Variants in INPP4A observed in about 807,000 individuals in gnomAD.
INPP4A encodes the protein inositol polyphosphate-4-phosphatase type I A.
A neutral mutation model predicts 119.8 loss-of-function variants in INPP4A; 33 were observed. That is an observed-to-expected ratio of 0.28 (90% CI 0.21 to 0.37). The LOEUF (loss-of-function observed/expected upper bound fraction) is 0.37. INPP4A is among the 10% of genes least tolerant of loss of function. The pLI is 1.00. For synonymous variants in INPP4A, 496 were observed against 500.7 expected (o/e 0.99, Z 0.12); for missense variants, 956 against 1,289.9 (o/e 0.74, Z 3.97).
In INPP4A at chr2:98,570,073, G is replaced by A. The variant is rs1355749428; in HGVS notation, c.2518+1405G>A. The stretch of plus-strand genomic sequence containing the variant: ...GCTGTGTCTGCTGGGAGAGCTGACA[G>A]ACCTGGCTCTGGGCAAGGACGCTGG... On this transcript the variant is annotated intron_variant, in intron 22 of 24. Transcript: ENST00000409851. The surrounding 1 kb of genome is among the most constrained non-coding windows in gnomAD (Gnocchi z 4.3). Among the ~76,000 whole-genome samples, 1 of 152,172 alleles carries A rather than the reference G, an allele frequency of 6.6e-6. No homozygotes were observed. The highest frequency in any genetic ancestry group is 2.4e-5 in the African/African-American group (1 of 41,446).
In INPP4A at chr2:98,546,756, T is replaced by A; in HGVS notation, c.1163+62T>A. ...CTTTCTGATGCTTCTTTTCTCAGTT[T>A]AAAATAAAATCAAAATATGACCGCA... On this transcript the variant is annotated intron_variant, in intron 13 of 24. Transcript: ENST00000409851. The surrounding 1 kb of genome is among the most constrained non-coding windows in gnomAD (Gnocchi z 4.2). The A allele has an allele frequency of 1.9e-6, 2 of 1,068,348 alleles. No homozygotes were observed. Among genetic ancestry groups the A allele is most frequent in the Admixed American group, 2.0e-5 (1 of 51,170 alleles). The allele number at this position is 1,068,348 out of a possible 1,614,324, so 66.2% of individuals were successfully genotyped here.
chr2:98,492,569 CA>C (rs1408175666), intron 1 of INPP4A, among the ~76,000 whole-genome samples: 1 of 152,148 alleles, frequency 6.6e-6, no homozygotes, highest in Non-Finnish European at 1.5e-5. Context: ...GAGGAGATCT[CA>C]AAGGGGTGAG....
At chr2:98,516,317 A>G (rs1686117576) in intron 1 of INPP4A, among the ~76,000 whole-genome samples, 1 of 152,180 alleles carries the variant, frequency 6.6e-6, no homozygotes, top group African/African-American at 2.4e-5. Flanking sequence ...TTGACCTAAA[A>G]GTTTCCGTGA....
At chr2:98,538,124 A>G (rs1369008227) in intron 8 of INPP4A, 150 bp downstream of exon 8, 2 of 591,756 alleles carry the variant, frequency 3.4e-6, no homozygotes, top group Admixed American at 6.0e-5. Context: ...GGTCCTCCTT[A>G]GGCACACCTT....
chr2:98,477,605 C>T (rs1026498735), intron 1 of INPP4A, among the ~76,000 whole-genome samples: 1 of 152,224 alleles, frequency 6.6e-6, no homozygotes, highest in African/African-American at 2.4e-5. Context: ...GAACTGTCAA[C>T]GTTGGTCTTG....
intron 17 of INPP4A, 29 bp from the exon 18 acceptor site, chr2:98,563,436 T>C (rs1223335010): frequency 4.4e-6 from 7 of 1,597,022 alleles, no homozygotes; most frequent in Non-Finnish European, 6.0e-6. Context: ...CTCTCTCTCA[T>C]TGTGATGACC....
intron 1 of INPP4A, among the ~76,000 whole-genome samples, chr2:98,448,883 T>C (rs753612968): frequency 1.3e-5 from 2 of 152,106 alleles, no homozygotes; most frequent in South Asian, 2.1e-4. Context: ...TTAAATATTT[T>C]ATAGGGGCTG....
chr2:98,480,946 C>T (rs1293094192), intron 1 of INPP4A, among the ~76,000 whole-genome samples: 1 of 152,216 alleles, frequency 6.6e-6, no homozygotes, highest in Non-Finnish European at 1.5e-5. Flanking sequence ...TGTGGTGCTG[C>T]ACGTGCTCCA....
At chr2:98,477,109 C>G (rs929405011) in intron 1 of INPP4A, among the ~76,000 whole-genome samples, 3 of 152,188 alleles carry the variant, frequency 2.0e-5, no homozygotes, top group African/African-American at 7.2e-5. Context: ...TTGCAGTAAC[C>G]CCATGAAGTA....
At chr2:98,560,529 C>G (rs1695282899) in intron 17 of INPP4A, among the ~76,000 whole-genome samples, 1 of 152,200 alleles carries the variant, frequency 6.6e-6, no homozygotes, top group African/African-American at 2.4e-5. Context: ...TTGCTTTCAG[C>G]CCCTTCACAG....
In INPP4A at chr2:98,591,231, G is replaced by A. The variant is rs970359048; in HGVS notation, c.*3623G>A. The stretch of plus-strand genomic sequence containing the variant: ...TCCTTGTGGGCATGGTGGTGTGGCT[G>A]CGTGCCCACGACGAGGGGCTGGACT... On this transcript the variant is annotated 3_prime_UTR_variant, in exon 25 of 25. Coordinates refer to ENST00000409851, the MANE Select transcript of INPP4A (RefSeq NM_001134225.2). 2.3e-5 allele frequency: 4 copies of A among 174,228 alleles called. No individual in the cohort carries two copies. Among genetic ancestry groups the A allele is most frequent in the Non-Finnish European group, 4.9e-5 (4 of 80,910 alleles). 10.8% of individuals were successfully genotyped at this position (174,228 alleles called of 1,614,324 possible). A position where few individuals can be genotyped will look rare whatever the true frequency, so the allele number is the denominator to read the frequency against.
intron 1 of INPP4A, among the ~76,000 whole-genome samples, chr2:98,490,958 A>G (rs1227922749): frequency 6.6e-6 from 1 of 152,306 alleles, no homozygotes; most frequent in East Asian, 1.9e-4. Flanking sequence ...AAACATTTTA[A>G]TGATAGCATT....
intron 1 of INPP4A, among the ~76,000 whole-genome samples, chr2:98,488,459 C>G (rs751690146): frequency 4.6e-5 from 7 of 152,214 alleles, no homozygotes; most frequent in Non-Finnish European, 8.8e-5. Context: ...ACACAGTTTT[C>G]TAGTTGCAGA....
intron 1 of INPP4A, among the ~76,000 whole-genome samples, chr2:98,452,010 G>T (rs1047396900): frequency 6.6e-6 from 1 of 152,156 alleles, no homozygotes; most frequent in Non-Finnish European, 1.5e-5. Flanking sequence ...CCTCGATTCT[G>T]CTCCTCTGTC....
chr2:98,452,912 C>T (rs190350418), intron 1 of INPP4A, among the ~76,000 whole-genome samples: 7 of 152,288 alleles, frequency 4.6e-5, no homozygotes, highest in Admixed American at 1.3e-4. Flanking sequence ...GGGTTGCCTA[C>T]GCTGCTACTC....
At chr2:98,483,456 G>A (rs1268413572) in intron 1 of INPP4A, among the ~76,000 whole-genome samples, 3 of 152,184 alleles carry the variant, frequency 2.0e-5, no homozygotes, top group African/African-American at 4.8e-5. Context: ...CAAGTGCAAG[G>A]TGGGGCTGCT....
intron 23 of INPP4A, among the ~76,000 whole-genome samples, chr2:98,574,713 A>C (rs1041535600): frequency 2.6e-5 from 4 of 151,870 alleles, no homozygotes; most frequent in Admixed American, 6.5e-5. Context: ...GCGTTCACTG[A>C]TGCGTTCTCC....
At chr2:98,544,693 T>A (rs912259180) in intron 11 of INPP4A, among the ~76,000 whole-genome samples, 4 of 152,266 alleles carry the variant, frequency 2.6e-5, no homozygotes, top group African/African-American at 9.6e-5. Flanking sequence ...AATTATTCTC[T>A]ATTTTTGGAT....
intron 4 of INPP4A, among the ~76,000 whole-genome samples, chr2:98,529,765 A>G (rs1264661675): frequency 6.6e-6 from 1 of 152,096 alleles, no homozygotes; most frequent in Non-Finnish European, 1.5e-5. Context: ...GACAAAAAAT[A>G]CAGAATTGTG....
Sources: allele counts gnomAD v4.1 joint callset (sites outside exome capture counted in the v4.1 genomes callset), GRCh38; gene constraint gnomAD v4.1.1; non-coding constraint Gnocchi (gnomAD v3.1); transcripts MANE v1.5; gene names NCBI Gene and HGNC (gene_info 2026-07-23, HGNC 2026-07-21).